The following FGGY variants were observed in gnomAD, a reference collection of about 807,000 sequenced individuals.
The protein encoded by FGGY is FGGY carbohydrate kinase domain-containing protein.
A neutral mutation model predicts 71.3 loss-of-function variants in FGGY; 72 were observed. The observed-to-expected ratio is 1.01, with a 90% CI of 0.84 to 1.23. FGGY has a LOEUF of 1.23. Ranked by LOEUF, FGGY falls within the 50% of genes most tolerant of loss-of-function variation. The probability of loss-of-function intolerance (pLI) is 0.00; values close to 1 mark genes in which losing one functional copy is unlikely to be tolerated. For missense variants in FGGY, 668 were observed against 682.3 expected (o/e 0.98, Z 0.23); for synonymous variants, 251 against 250.3 (o/e 1.00, Z -0.02).
At chr1:59,594,130 C>T (rs2096491111) in intron 8 of FGGY, among the ~76,000 whole-genome samples, 1 of 152,180 alleles carries the variant, frequency 6.6e-6, no homozygotes, top group Non-Finnish European at 1.5e-5. Flanking sequence ...CCTCATCTGG[C>T]ATGGAAAACT....
chr1:59,507,294 A>G (rs967466733), intron 6 of FGGY, among the ~76,000 whole-genome samples: 5 of 152,246 alleles, frequency 3.3e-5, no homozygotes, highest in Non-Finnish European at 5.9e-5. Flanking sequence ...TTACAAGAGT[A>G]GGTTACAGTG....
chr1:59,699,021 G>T, intron 14 of FGGY: 1 of 985,366 alleles, frequency 1.0e-6, no homozygotes, highest in Non-Finnish European at 1.2e-6. Context: ...ATAGCTTTTG[G>T]TTGAATATCA....
At chr1:59,531,069 C>A (rs975208606) in intron 7 of FGGY, among the ~76,000 whole-genome samples, 2 of 152,140 alleles carry the variant, frequency 1.3e-5, no homozygotes, top group Admixed American at 1.3e-4. Context: ...TAAAGTGCTA[C>A]ATATATAGCT....
chr1:59,400,519 A>AT (rs2061819140), intron 5 of FGGY, among the ~76,000 whole-genome samples: 2 of 145,590 alleles, frequency 1.4e-5, no homozygotes, highest in South Asian at 2.2e-4. Flanking sequence ...TGAGACCTTC[A>AT]TTTTTTTCTC....
At chr1:59,433,242 G>A (rs765324622) in intron 5 of FGGY, among the ~76,000 whole-genome samples, 3 of 152,112 alleles carry the variant, frequency 2.0e-5, no homozygotes, top group Admixed American at 6.5e-5. Flanking sequence ...ATCCCCACCC[G>A]CAGCCAGATA....
At chr1:59,514,831 T>A (rs998360656) in intron 7 of FGGY, among the ~76,000 whole-genome samples, 2 of 152,210 alleles carry the variant, frequency 1.3e-5, no homozygotes, top group African/African-American at 4.8e-5. Context: ...GAACTGTAAG[T>A]CAAATTAAAC....
intron 7 of FGGY, among the ~76,000 whole-genome samples, chr1:59,519,583 T>G (rs868759345): frequency 7.2e-5 from 11 of 152,246 alleles, no homozygotes; most frequent in African/African-American, 2.7e-4. Context: ...TTGCGACTTT[T>G]AAACTTCAAC....
At chr1:59,413,100 A>G (rs2063839894) in intron 5 of FGGY, among the ~76,000 whole-genome samples, 1 of 152,222 alleles carries the variant, frequency 6.6e-6, no homozygotes, top group African/African-American at 2.4e-5. Context: ...CCAAGCTGGC[A>G]GATTTCTATC....
At chr1:59,529,947 C>A (rs2095095281) in intron 7 of FGGY, among the ~76,000 whole-genome samples, 1 of 152,166 alleles carries the variant, frequency 6.6e-6, no homozygotes. Context: ...ATTTACATAG[C>A]TATTACTAAA....
chr1:59,464,120 G>A (rs544969409), intron 6 of FGGY, among the ~76,000 whole-genome samples: 115 of 152,304 alleles, frequency 7.6e-4, no homozygotes, highest in Non-Finnish European at 1.4e-3. Flanking sequence ...TGGAAGTAAA[G>A]CAATCCTCCG....
At chr1:59,466,582 G>C (rs533716658) in intron 6 of FGGY, among the ~76,000 whole-genome samples, 24 of 152,162 alleles carry the variant, frequency 1.6e-4, no homozygotes, top group African/African-American at 5.8e-4. Flanking sequence ...TACAGAATGG[G>C]AGAAAATTTT....
At chr1:59,365,588 C>T (rs781631280) in intron 4 of FGGY, among the ~76,000 whole-genome samples, 2 of 152,330 alleles carry the variant, frequency 1.3e-5, no homozygotes, top group South Asian at 2.1e-4. Flanking sequence ...TGAACTCAAA[C>T]ATTGGGCTGG....
At chr1:59,644,919 G>C (rs534086598) in intron 11 of FGGY, among the ~76,000 whole-genome samples, 1 of 151,844 alleles carries the variant, frequency 6.6e-6, no homozygotes, top group African/African-American at 2.4e-5. Flanking sequence ...AGAGGTTGCC[G>C]TGGGCTGAGA....
intron 4 of FGGY, among the ~76,000 whole-genome samples, chr1:59,348,992 G>T (rs541866728): frequency 6.6e-6 from 1 of 152,112 alleles, no homozygotes; most frequent in Non-Finnish European, 1.5e-5. Flanking sequence ...AACCTGACTC[G>T]GGTATATACT....
rs367857267 is a variant in FGGY at position 59,402,953 on chromosome 1, C to T, written c.554+24116C>T. On this transcript the variant is annotated intron_variant, in intron 5 of 15. Transcript: ENST00000303721. ...CAGGAAAGCCTGGGTATGGGGGTCC[C>T]GGGCTCCTGAGGCCCAGGACTCATT... 2.2e-4 allele frequency among the ~76,000 whole-genome samples: 34 copies of T among 152,200 alleles called. 2 individuals are homozygous for T. The highest frequency in any genetic ancestry group is 7.7e-4 in the African/African-American group (32 of 41,534).
intron 1 of FGGY, among the ~76,000 whole-genome samples, chr1:59,320,278 A>T (rs1378006064): frequency 6.6e-6 from 1 of 152,246 alleles, no homozygotes; most frequent in Non-Finnish European, 1.5e-5. Context: ...TGGAGTAAAT[A>T]TCTAGGAAGC....
At chr1:59,509,698 A>G (rs649419) in intron 6 of FGGY, among the ~76,000 whole-genome samples, 39,189 of 152,068 alleles carry the variant, frequency 0.26, 7,765 homozygotes, top group African/African-American at 0.55. Context: ...TATAGCCTAT[A>G]ATTAGACCCA....
chr1:59,665,543 C>T (rs1182827656), intron 12 of FGGY, among the ~76,000 whole-genome samples: 1 of 152,122 alleles, frequency 6.6e-6, no homozygotes, highest in Non-Finnish European at 1.5e-5. Context: ...CCACTCCTGT[C>T]CCCAGGTTCC....
At chr1:59,324,178 A>T (rs2046910323) in intron 2 of FGGY, among the ~76,000 whole-genome samples, 1 of 152,138 alleles carries the variant, frequency 6.6e-6, no homozygotes, top group South Asian at 2.1e-4. Flanking sequence ...ATGATGACAA[A>T]GACAGCTAAC....
Sources: gnomAD v4.1 joint callset for allele counts (sites outside exome capture counted in the v4.1 genomes callset) on GRCh38, gnomAD v4.1.1 for gene constraint, MANE v1.5 for transcripts, NCBI Gene and HGNC (gene_info 2026-07-23, HGNC 2026-07-21) for gene names.